SLC16A1: variants seen among roughly 807,000 people sequenced by gnomAD.
SLC16A1 encodes solute carrier family 16 member 1, also known as monocarboxylate transporter 1.
A neutral mutation model predicts 32.2 loss-of-function variants in SLC16A1; 11 were observed. The observed-to-expected ratio is 0.34, with a 90% CI of 0.21 to 0.56. The LOEUF is 0.56. Among genes scored for constraint, SLC16A1 ranks in the 20% least tolerant of loss-of-function variants. The pLI, the probability that SLC16A1 is intolerant of heterozygous loss-of-function variation, is 0.87. For synonymous variants in SLC16A1, 231 were observed against 226.8 expected, an observed-to-expected ratio of 1.02 and a Z score of -0.17; for missense variants, 435 against 615.0, an observed-to-expected ratio of 0.71 and a Z score of 3.10.
intron 1 of SLC16A1, among the ~76,000 whole-genome samples, chr1:112,952,529 T>C (rs1413139232): frequency 6.6e-6 from 1 of 152,204 alleles, no homozygotes; most frequent in African/African-American, 2.4e-5. Flanking sequence ...GCGATGTTAA[T>C]TTTTAAAGGT....
chr1:112,955,767 A>G (rs1161578916), intron 1 of SLC16A1: 1 of 151,896 alleles, frequency 6.6e-6, no homozygotes, highest in Non-Finnish European at 1.5e-5. Context: ...CCACGACCCA[A>G]CTCCTCGGCC....
chr1:112,944,768 C>T (rs1570643979), intron 1 of SLC16A1, among the ~76,000 whole-genome samples: 1 of 152,062 alleles, frequency 6.6e-6, no homozygotes, highest in South Asian at 2.1e-4. Flanking sequence ...TCTTGGCTCA[C>T]TGCAACCCCT....
chr1:112,938,443 C>T (rs1649385601), intron 1 of SLC16A1, among the ~76,000 whole-genome samples: 1 of 151,970 alleles, frequency 6.6e-6, no homozygotes, highest in South Asian at 2.1e-4. Flanking sequence ...ATTGAGGAAA[C>T]CAAAACAATG....
Position 112,917,352 on chromosome 1 carries a change from T to C in SLC16A1, c.1054A>G (p.Thr352Ala), listed in dbSNP as rs1180483725. 1.9e-6 allele frequency: 3 copies of C among 1,613,892 alleles called. No homozygotes were observed. Among genetic ancestry groups the C allele is most frequent in the African/African-American group, 2.7e-5 (2 of 74,844 alleles). The change falls in exon 4 of 5, where the codon ACC becomes GCC. Residue 352 changes from threonine to alanine, a missense_variant. Thr to Ala is a moderately conservative substitution (Grantham distance 58). This residue lies in a region of SLC16A1 where 324 missense variants were observed against 500.3 expected (regional missense o/e 0.65). Coordinates refer to ENST00000369626, the MANE Select transcript of SLC16A1 (RefSeq NM_003051.4). This position sits in a 1 kb window ranked among gnomAD's most constrained non-coding sequence, Gnocchi z 4.1. ...GCATAGACACAGAATCCAACATAGG[T>C]AGTGGATAAAGGTGCTAGCATATGA... ...VCHMLAPLST[T>A]YVGFCVYAGF...
chr1:112,932,789 G>C (rs1422850038), intron 1 of SLC16A1, among the ~76,000 whole-genome samples: 1 of 76,368 alleles, frequency 1.3e-5, no homozygotes, highest in Non-Finnish European at 2.4e-5. Flanking sequence ...GGGAGACTCC[G>C]TCGCAAAAAA....
At position 112,923,573 on chromosome 1, in the gene SLC16A1, T is replaced by A. The variant is rs1451986258; in HGVS notation, c.218-1440A>T. The A allele has an allele frequency of 4.5e-6, 6 of 1,325,966 alleles. No homozygotes were observed. In the East Asian group the frequency reaches 1.4e-4, roughly 31 times the overall value. The allele number at this position is 1,325,966 out of a possible 1,614,324, so 82.1% of individuals were successfully genotyped here. A position where few individuals can be genotyped will look rare whatever the true frequency, so the allele number is the denominator to read the frequency against. Reference sequence around the variant, plus strand: ...CCATCCTGGGTGGCCTGAAAATTGATACCAAGGCCAATCCATTGTTTGGGA... The same window carrying A: ...CCATCCTGGGTGGCCTGAAAATTGAAACCAAGGCCAATCCATTGTTTGGGA... On this transcript the variant is annotated intron_variant, in intron 2 of 4. Transcript: ENST00000369626.
chr1:112,946,930 G>C (rs1444394415), intron 1 of SLC16A1, among the ~76,000 whole-genome samples: 5 of 151,990 alleles, frequency 3.3e-5, no homozygotes, highest in Non-Finnish European at 7.4e-5. Flanking sequence ...CTTTTTTAAT[G>C]CTTCATTTTT....
At chr1:112,929,041 A>C in intron 2 of SLC16A1, 51 bp downstream of exon 2, 1 of 1,328,266 alleles carries the variant, frequency 7.5e-7, no homozygotes, top group South Asian at 1.2e-5. Flanking sequence ...TAATACAGAC[A>C]CTCTGGCTGC....
rs542398877 is a variant in SLC16A1, at chr1:112,926,789, G to A, written c.217+2303C>T. Among the ~76,000 whole-genome samples the A allele has an allele frequency of 4.6e-5, 7 of 151,916 alleles. No individual in the cohort carries two copies. In the South Asian group the frequency reaches 6.2e-4, roughly 14 times the overall value. On this transcript the variant is annotated intron_variant, in intron 2 of 4. Transcript: ENST00000369626. ...CTTGGCAGGGTGAAGGGGGAGGACC[G>A]ATCACCTGAGGCCAGGGAGGCTGAG...
intron 1 of SLC16A1, among the ~76,000 whole-genome samples, chr1:112,937,878 A>G (rs915919492): frequency 6.6e-6 from 1 of 152,210 alleles, no homozygotes; most frequent in Non-Finnish European, 1.5e-5. Context: ...AAAGGATGAT[A>G]GAAAACAATA....
intron 1 of SLC16A1, among the ~76,000 whole-genome samples, chr1:112,953,781 T>A (rs1649984214): frequency 6.6e-6 from 1 of 152,226 alleles, no homozygotes; most frequent in Admixed American, 6.5e-5. Context: ...AGCTCTTTCA[T>A]CCTTCAAGTC....
At chr1:112,943,914 A>T (rs1649599527) in intron 1 of SLC16A1, among the ~76,000 whole-genome samples, 1 of 152,166 alleles carries the variant, frequency 6.6e-6, no homozygotes, top group Non-Finnish European at 1.5e-5. Flanking sequence ...CATTCAACAA[A>T]TCTGAGTGCC....
chr1:112,931,938 A>G (rs1440187803), intron 1 of SLC16A1, among the ~76,000 whole-genome samples: 1 of 152,274 alleles, frequency 6.6e-6, no homozygotes, highest in Non-Finnish European at 1.5e-5. Context: ...TATTACAGCA[A>G]TGAACACAGG....
intron 1 of SLC16A1, among the ~76,000 whole-genome samples, chr1:112,931,231 A>T (rs1015304155): frequency 5.3e-5 from 8 of 152,152 alleles, no homozygotes; most frequent in African/African-American, 1.9e-4. Context: ...ATCTCAGAAA[A>T]GTTTCCTTTT....
intron 1 of SLC16A1, among the ~76,000 whole-genome samples, chr1:112,940,756 CTTATTAAAATAA>C (rs1649480085): frequency 6.6e-6 from 1 of 151,988 alleles, no homozygotes; most frequent in South Asian, 2.1e-4. Flanking sequence ...GCACATACTT[CTTATTAAAATAA>C]TTTTGATCAA....
intron 2 of SLC16A1, among the ~76,000 whole-genome samples, chr1:112,925,381 CT>C (rs1168717030): frequency 2.0e-4 from 5 of 24,612 alleles, no homozygotes; most frequent in South Asian, 9.9e-4. Flanking sequence ...AGTGGCCTTT[CT>C]TTTTTTTTTA....
At position 112,912,944 on chromosome 1, in the gene SLC16A1, A is replaced by G. The variant is rs771999428; in HGVS notation, c.*947T>C. The G allele has an allele frequency of 3.9e-5, 6 of 152,234 alleles. No homozygotes were observed. Among genetic ancestry groups the G allele is most frequent in the Non-Finnish European group, 7.4e-5 (5 of 68,026 alleles). 9.4% of individuals were successfully genotyped at this position (152,234 alleles called of 1,614,324 possible). ...AGGAAAAAAAAATTCCAATAGCTTC[A>G]CAGTTTAACTGAGGTTTTGGAAAAA... is the stretch of plus-strand genomic sequence containing the variant. On this transcript the variant is annotated 3_prime_UTR_variant, in exon 5 of 5. Transcript: ENST00000369626.
chr1:112,929,379 T>C (rs754420870), intron 1 of SLC16A1, 27 bp from the exon 2 acceptor site: 6 of 1,278,808 alleles, frequency 4.7e-6, no homozygotes, highest in Middle Eastern at 2.6e-4. Flanking sequence ...TAAAATAGTA[T>C]GTCAATATAA....
chr1:112,932,647 C>CA (rs1649175473), intron 1 of SLC16A1, among the ~76,000 whole-genome samples: 2 of 151,622 alleles, frequency 1.3e-5, no homozygotes, highest in Admixed American at 6.6e-5. Flanking sequence ...ACTAAAGATA[C>CA]AAAAAATTAG....
Sources: allele counts gnomAD v4.1 joint callset (sites outside exome capture counted in the v4.1 genomes callset), GRCh38; gene constraint gnomAD v4.1.1; regional missense constraint gnomAD v4.1.1; non-coding constraint Gnocchi (gnomAD v3.1); transcripts MANE v1.5; gene names NCBI Gene and HGNC (gene_info 2026-07-23, HGNC 2026-07-21).